RAPGEF5: variants seen among roughly 807,000 people sequenced by gnomAD.
RAPGEF5 encodes Rap guanine nucleotide exchange factor 5, also known as M-Ras-regulated GEF.
Under a neutral mutation model 125.2 loss-of-function variants are expected in RAPGEF5, and 65 were observed. The observed-to-expected ratio is 0.52, with a 90% confidence interval of 0.43 to 0.64. The LOEUF is 0.64. RAPGEF5 is among the 30% of genes least tolerant of loss of function. RAPGEF5 has a pLI of 0.00. For synonymous variants in RAPGEF5, 391 were observed against 385.9 expected, an observed-to-expected ratio of 1.01 and a Z score of -0.16; for missense variants, 958 against 1,048.1, an observed-to-expected ratio of 0.91 and a Z score of 1.19.
At chr7:22,267,050 A>AG (rs1323971680) in intron 6 of RAPGEF5, 38 bp from the exon 7 acceptor site, 1 of 1,549,456 alleles carries the variant, frequency 6.5e-7, no homozygotes, top group Non-Finnish European at 8.9e-7. Context: ...AATTAGAAGA[A>AG]GAAAAATGTA....
chr7:22,243,285 C>T (rs535152326), intron 7 of RAPGEF5, among the ~76,000 whole-genome samples: 1 of 152,244 alleles, frequency 6.6e-6, no homozygotes, highest in Non-Finnish European at 1.5e-5. Flanking sequence ...GAGACAGAGT[C>T]TGACTCAGCC....
chr7:22,239,487 C>A (rs1266841912), intron 7 of RAPGEF5, among the ~76,000 whole-genome samples: 1 of 152,086 alleles, frequency 6.6e-6, no homozygotes, highest in Non-Finnish European at 1.5e-5. Context: ...ATCAGATACT[C>A]CATGCTCAGC....
intron 1 of RAPGEF5, among the ~76,000 whole-genome samples, chr7:22,344,471 C>T (rs1784186442): frequency 6.6e-6 from 1 of 152,166 alleles, no homozygotes. Flanking sequence ...TGAGGAGGGA[C>T]TGCCCAGGGT....
intron 7 of RAPGEF5, among the ~76,000 whole-genome samples, chr7:22,249,515 G>A (rs982903473): frequency 1.7e-4 from 26 of 151,844 alleles, no homozygotes; most frequent in Admixed American, 1.3e-3. Context: ...GTGCAAATCC[G>A]CTCAAAAAAA....
chr7:22,187,159 T>A lies in RAPGEF5; in HGVS notation c.1204+6208A>T, dbSNP rs1784850195. On this transcript the variant is annotated intron_variant, in intron 11 of 25. Transcript: ENST00000665637. ...CCCTCGTGCAAGGGCTATGTGATGG[T>A]GTTTTCAGCATAAATTGACTTTGGA... is the stretch of plus-strand genomic sequence containing the variant. Among the ~76,000 whole-genome samples, 3 of 152,152 alleles carry A rather than the reference T, an allele frequency of 2.0e-5. No homozygotes were observed. In the South Asian group the frequency reaches 6.2e-4, roughly 32 times the overall value.
intron 3 of RAPGEF5, among the ~76,000 whole-genome samples, chr7:22,312,563 A>G (rs576307827): frequency 6.6e-6 from 1 of 152,196 alleles, no homozygotes; most frequent in East Asian, 1.9e-4. Flanking sequence ...CAAAGCCCCA[A>G]TCCCCCAGAT....
At chr7:22,136,764 G>A (rs1783090611) in intron 22 of RAPGEF5, among the ~76,000 whole-genome samples, 169 bp downstream of exon 22, 1 of 152,104 alleles carries the variant, frequency 6.6e-6, no homozygotes. Flanking sequence ...AGCATTAACT[G>A]TCAACTTGCT....
At chr7:22,145,729 G>C (rs1415442602) in intron 19 of RAPGEF5, among the ~76,000 whole-genome samples, 1 of 152,154 alleles carries the variant, frequency 6.6e-6, no homozygotes, top group African/African-American at 2.4e-5. Flanking sequence ...GTAGGGGTGT[G>C]GAGGGGCCGG....
intron 1 of RAPGEF5, among the ~76,000 whole-genome samples, chr7:22,337,528 G>A (rs1424693193): frequency 6.6e-6 from 1 of 152,110 alleles, no homozygotes; most frequent in East Asian, 1.9e-4. Context: ...TAAACTTGTG[G>A]CCTTTTATTA....
intron 5 of RAPGEF5, among the ~76,000 whole-genome samples, chr7:22,306,672 C>T (rs963367074): frequency 1.5e-4 from 23 of 151,956 alleles, no homozygotes; most frequent in African/African-American, 5.6e-4. Context: ...TTTCCCCAAT[C>T]TTGTAGTTTC....
chr7:22,216,259 T>G (rs1443809959), intron 9 of RAPGEF5, among the ~76,000 whole-genome samples: 1 of 152,204 alleles, frequency 6.6e-6, no homozygotes, highest in East Asian at 1.9e-4. Flanking sequence ...AAAGGCCACA[T>G]CTGATTATGC....
chr7:22,252,479 A>G (rs1484871531), intron 7 of RAPGEF5, among the ~76,000 whole-genome samples: 1 of 152,196 alleles, frequency 6.6e-6, no homozygotes, highest in Non-Finnish European at 1.5e-5. Context: ...CCTCCTTGGC[A>G]AATCTGTTTC....
In RAPGEF5 at chr7:22,119,503, T is replaced by C. The variant is rs1045676609; in HGVS notation, c.*2903A>G. On this transcript the variant is annotated 3_prime_UTR_variant, in exon 26 of 26. Transcript: ENST00000665637. This position sits in a 1 kb window ranked among gnomAD's most constrained non-coding sequence, Gnocchi z 4.1. Reference sequence around the variant, plus strand: ...TAGGGAACACCTGCAAATGTGTATGTAAAACAAAATTTTTTTTAATAGCAA... The same window carrying C: ...TAGGGAACACCTGCAAATGTGTATGCAAAACAAAATTTTTTTTAATAGCAA... 4.6e-5 allele frequency: 7 copies of C among 152,060 alleles called. No individual in the cohort carries two copies. Among genetic ancestry groups the C allele is most frequent in the South Asian group, 2.1e-4 (1 of 4,812 alleles). The allele number at this position is 152,060 out of a possible 1,614,324, so 9.4% of individuals were successfully genotyped here.
intron 8 of RAPGEF5, among the ~76,000 whole-genome samples, chr7:22,225,415 T>C (rs1338548305): frequency 6.6e-6 from 1 of 152,226 alleles, no homozygotes; most frequent in Non-Finnish European, 1.5e-5. Context: ...GGTAATCAAT[T>C]CTATAGCATT....
intron 21 of RAPGEF5, 81 bp from the exon 22 acceptor site, chr7:22,137,064 GT>G: frequency 9.7e-7 from 1 of 1,034,784 alleles, no homozygotes. Flanking sequence ...TTTTCATTAC[GT>G]TGTTTATCTG....
chr7:22,346,278 T>C (rs1393737753), intron 1 of RAPGEF5, among the ~76,000 whole-genome samples: 2 of 152,168 alleles, frequency 1.3e-5, no homozygotes, highest in Non-Finnish European at 2.9e-5. Context: ...AAGCTCATTT[T>C]AAAAAATGTT....
At chr7:22,216,833 C>T (rs772095626) in intron 9 of RAPGEF5, among the ~76,000 whole-genome samples, 1 of 152,310 alleles carries the variant, frequency 6.6e-6, no homozygotes, top group Non-Finnish European at 1.5e-5. Context: ...TTCAGAAACA[C>T]CTTGGCAAAA....
At chr7:22,132,797 G>T (rs2128100367) in intron 23 of RAPGEF5, among the ~76,000 whole-genome samples, 1 of 152,294 alleles carries the variant, frequency 6.6e-6, no homozygotes, top group Admixed American at 6.5e-5. Context: ...AACAGTGTTA[G>T]ACATGGCTCT....
At chr7:22,175,830 T>C (rs936095821) in intron 11 of RAPGEF5, among the ~76,000 whole-genome samples, 6 of 152,234 alleles carry the variant, frequency 3.9e-5, no homozygotes, top group African/African-American at 1.2e-4. Flanking sequence ...ACTTAGGACA[T>C]TGTAATGTTT....
Sources: allele counts gnomAD v4.1 joint callset (sites outside exome capture counted in the v4.1 genomes callset), GRCh38; gene constraint gnomAD v4.1.1; non-coding constraint Gnocchi (gnomAD v3.1); transcripts MANE v1.5; gene names NCBI Gene and HGNC (gene_info 2026-07-23, HGNC 2026-07-21).